XPNPEP3: variants seen among roughly 807,000 people sequenced by gnomAD.
XPNPEP3 encodes X-prolyl aminopeptidase 3.
Under a neutral mutation model 60.0 loss-of-function variants are expected in XPNPEP3, and 41 were observed. The ratio of observed to expected loss-of-function variants is 0.68; its 90% CI spans 0.53 to 0.89. The LOEUF is 0.89. Ranked by LOEUF, XPNPEP3 falls within the 40% of genes least tolerant of loss-of-function variation. The pLI is 0.00. For missense variants in XPNPEP3, 598 were observed against 638.9 expected (o/e 0.94, Z 0.69); for synonymous variants, 212 against 223.2 (o/e 0.95, Z 0.45).
intron 1 of XPNPEP3, among the ~76,000 whole-genome samples, chr22:40,867,543 C>T (rs1310831706): frequency 6.6e-6 from 1 of 151,688 alleles, no homozygotes. Flanking sequence ...AAGATGATTA[C>T]AAAGAAATTG....
chr22:40,922,278 C>A, intron 7 of XPNPEP3, 55 bp from the exon 8 acceptor site: 2 of 1,603,146 alleles, frequency 1.2e-6, no homozygotes, highest in Non-Finnish European at 1.7e-6. Flanking sequence ...TAGTAGCAAA[C>A]TTCTTAGAAT....
rs568618039 is a variant in XPNPEP3, at chr22:40,873,880, GATGAA to G, written c.181+4770_181+4774del. On this transcript the variant is annotated intron_variant, in intron 2 of 9. Transcript: ENST00000357137. ...TTACAGTGAATATAATATTTAAAAT[GATGAA>G]ATGATTGATTCTAGAGTGGGTTATA... 1.3e-3 allele frequency among the ~76,000 whole-genome samples: 202 copies of G among 152,224 alleles called. 3 individuals are homozygous for G. In the South Asian group the frequency reaches 0.041, roughly 31 times the overall value.
chr22:40,874,268 T>A (rs2058019155), intron 2 of XPNPEP3, among the ~76,000 whole-genome samples: 1 of 152,074 alleles, frequency 6.6e-6, no homozygotes, highest in Non-Finnish European at 1.5e-5. Flanking sequence ...CAGAAGAATT[T>A]AAAAAATTAA....
chr22:40,861,141 C>G, intron 1 of XPNPEP3: 1 of 1,614,044 alleles, frequency 6.2e-7, no homozygotes, highest in East Asian at 2.2e-5. Flanking sequence ...CTCTTTGACT[C>G]CTGCTGAGAA....
rs1488481398 is a variant in XPNPEP3 at position 40,893,139 on chromosome 22, ATATATTT to A, written c.792+6625_792+6631del. Among the ~76,000 whole-genome samples, 4 of 147,448 alleles carry A rather than the reference ATATATTT, an allele frequency of 2.7e-5. No individual in the cohort carries two copies. In the East Asian group the frequency reaches 7.8e-4, roughly 29 times the overall value. On this transcript the variant is annotated intron_variant, in intron 4 of 9. Transcript: ENST00000357137. The stretch of plus-strand genomic sequence containing the variant: ...AAATATATATTATATATTGTATATT[ATATATTT>A]ATATATTATAATATTATATCATAAT...
rs1277798313 is a variant in XPNPEP3 at position 40,927,875 on chromosome 22, A to C, written c.*1440A>C. ...GGGTGACAGAGCGAGACTCCGTCTCAAAAAAAAAAAAAAAAAAGAAAAAAA... is the reference window on the plus strand; with the variant it reads ...GGGTGACAGAGCGAGACTCCGTCTCCAAAAAAAAAAAAAAAAAGAAAAAAA... On this transcript the variant is annotated 3_prime_UTR_variant, in exon 10 of 10. Coordinates refer to ENST00000357137, the MANE Select transcript of XPNPEP3 (RefSeq NM_022098.4). 1 of 124,910 alleles carries C rather than the reference A, an allele frequency of 8.0e-6. No individual in the cohort carries two copies. Among genetic ancestry groups the C allele is most frequent in the Non-Finnish European group, 1.8e-5 (1 of 54,282 alleles). 7.7% of individuals were successfully genotyped at this position (124,910 alleles called of 1,614,324 possible). A position where few individuals can be genotyped will look rare whatever the true frequency, so the allele number is the denominator to read the frequency against.
chr22:40,904,421 C>T (rs2058146536), intron 4 of XPNPEP3, among the ~76,000 whole-genome samples: 1 of 152,044 alleles, frequency 6.6e-6, no homozygotes, highest in South Asian at 2.1e-4. Context: ...ACCTACAGTC[C>T]CAGCTACTCA....
intron 2 of XPNPEP3, among the ~76,000 whole-genome samples, chr22:40,875,898 T>C (rs1240658145): frequency 1.3e-5 from 2 of 151,080 alleles, no homozygotes; most frequent in Non-Finnish European, 2.9e-5. Context: ...TGCATGCTTG[T>C]AATCCCAGCT....
chr22:40,866,566 G>A (rs1278506871), intron 1 of XPNPEP3, among the ~76,000 whole-genome samples: 3 of 152,154 alleles, frequency 2.0e-5, no homozygotes, highest in African/African-American at 7.2e-5. Flanking sequence ...GTAGCTTAGT[G>A]TGGCTGCAAT....
intron 6 of XPNPEP3, 102 bp from the exon 7 acceptor site, chr22:40,914,137 C>T (rs1204224461): frequency 1.1e-5 from 11 of 974,468 alleles, no homozygotes; most frequent in East Asian, 7.5e-5. Context: ...AGTGAAACTC[C>T]GTCTCAGAAA....
intron 1 of XPNPEP3, chr22:40,861,615 T>C: frequency 1.2e-6 from 2 of 1,613,174 alleles, no homozygotes; most frequent in Non-Finnish European, 1.7e-6. Context: ...TCTGTTTCCA[T>C]AGGAGCTTCC....
chr22:40,883,678 C>T (rs992013332), intron 3 of XPNPEP3, among the ~76,000 whole-genome samples: 1 of 151,932 alleles, frequency 6.6e-6, no homozygotes, highest in African/African-American at 2.4e-5. Context: ...GAGTTCTTGT[C>T]CCTCAAAGAA....
chr22:40,911,111 C>T (rs768497550), intron 6 of XPNPEP3, among the ~76,000 whole-genome samples: 2 of 152,134 alleles, frequency 1.3e-5, no homozygotes, highest in Non-Finnish European at 2.9e-5. Flanking sequence ...TCAGCCACAT[C>T]CTCTCCATCC....
intron 4 of XPNPEP3, among the ~76,000 whole-genome samples, chr22:40,896,157 A>G (rs1182874180): frequency 1.3e-5 from 2 of 152,074 alleles, no homozygotes; most frequent in Non-Finnish European, 2.9e-5. Flanking sequence ...GTGGATCCCA[A>G]ACCTTCCTGT....
chr22:40,914,405 T>A, intron 7 of XPNPEP3, 81 bp downstream of exon 7: 1 of 1,200,402 alleles, frequency 8.3e-7, no homozygotes, highest in Non-Finnish European at 1.2e-6. Context: ...AATGAATGAC[T>A]AAAGAAATAC....
intron 7 of XPNPEP3, among the ~76,000 whole-genome samples, chr22:40,917,558 G>C (rs2058200553): frequency 6.6e-6 from 1 of 151,922 alleles, no homozygotes; most frequent in Non-Finnish European, 1.5e-5. Flanking sequence ...ACTTTTTTAA[G>C]TGAAGGAATT....
In XPNPEP3 at chr22:40,922,425, A is replaced by G; in HGVS notation, c.1148A>G (p.Asn383Ser). The change falls in exon 8 of 10, where the codon AAC (asparagine) becomes AGC (serine). Residue 383 changes from asparagine (N) to serine (S), a missense_variant. Asn to Ser is a conservative substitution (Grantham distance 46). Transcript: ENST00000357137. ...ALCFPGTSLE[N>S]IYSMMLTLIG... ...TGCTTCCCTGGGACAAGCTTGGAGAACATCTACAGCATGATGCTGACCCTG... is the reference window on the plus strand; with the variant it reads ...TGCTTCCCTGGGACAAGCTTGGAGAGCATCTACAGCATGATGCTGACCCTG... 1 of 1,613,974 alleles carries G rather than the reference A, an allele frequency of 6.2e-7. No individual in the cohort carries two copies. Among genetic ancestry groups the G allele is most frequent in the African/African-American group, 1.3e-5 (1 of 75,040 alleles).
At chr22:40,875,604 A>G (rs1019794153) in intron 2 of XPNPEP3, among the ~76,000 whole-genome samples, 1 of 152,124 alleles carries the variant, frequency 6.6e-6, no homozygotes, top group Non-Finnish European at 1.5e-5. Context: ...CATCTAGTGA[A>G]GAATTATAGA....
Position 40,897,401 on chromosome 22 carries a change from A to G in XPNPEP3, c.793-10186A>G, listed in dbSNP as rs576518653. Among the ~76,000 whole-genome samples the G allele has an allele frequency of 3.9e-4, 60 of 152,080 alleles. 2 individuals are homozygous for G. In the South Asian group the frequency reaches 0.012, roughly 31 times the overall value. ...TTGGGCTATGGTGACTAATGCTGCT[A>G]TGTACCTGGGTTTACAAATAATTAT... On this transcript the variant is annotated intron_variant, in intron 4 of 9. Transcript: ENST00000357137.
Sources: allele counts gnomAD v4.1 joint callset (sites outside exome capture counted in the v4.1 genomes callset), GRCh38; gene constraint gnomAD v4.1.1; transcripts MANE v1.5; gene names NCBI Gene and HGNC (gene_info 2026-07-23, HGNC 2026-07-21).